The following ADGRB3 variants were observed in gnomAD, a reference collection of about 807,000 sequenced individuals.
ADGRB3 encodes the protein brain-specific angiogenesis inhibitor 3.
ADGRB3 carries 37 observed loss-of-function variants against 193.4 expected under a neutral mutation model. The observed-to-expected ratio is 0.19, with a 90% CI of 0.15 to 0.25. The LOEUF (loss-of-function observed/expected upper bound fraction) is 0.25, where lower values mean the gene tolerates loss of function less well. Among genes scored for constraint, ADGRB3 ranks in the 10% least tolerant of loss-of-function variants. The probability of loss-of-function intolerance (pLI) is 1.00; values close to 1 mark genes in which losing one functional copy is unlikely to be tolerated. For synonymous variants in ADGRB3, 690 were observed against 644.2 expected, an observed-to-expected ratio of 1.07 and a Z score of -1.08; for missense variants, 1,637 against 1,852.9, an observed-to-expected ratio of 0.88 and a Z score of 2.14.
At chr6:69,031,032 C>T (rs60540705) in intron 13 of ADGRB3, among the ~76,000 whole-genome samples, 1,950 of 38,048 alleles carry the variant, frequency 0.051, 404 homozygotes, top group African/African-American at 0.072. Context: ...TTTTCCTCTT[C>T]TCTTCTCTCT....
At chr6:68,861,114 C>G (rs1392610596) in intron 3 of ADGRB3, among the ~76,000 whole-genome samples, 2 of 152,198 alleles carry the variant, frequency 1.3e-5, no homozygotes, top group African/African-American at 4.8e-5. Context: ...CTGAGAACCA[C>G]TGTGCTAGTC....
At chr6:68,730,626 T>C (rs2127331588) in intron 3 of ADGRB3, among the ~76,000 whole-genome samples, 1 of 151,808 alleles carries the variant, frequency 6.6e-6, no homozygotes, top group Admixed American at 6.6e-5. Context: ...TTCTTGCTTT[T>C]TGGTCGTTGC....
rs542366985 is a variant in ADGRB3, at chr6:68,696,110, G to A, written c.757+56678G>A. ...CTGGCCAGAACTTCTCTGAAATCCC[G>A]TTATCAATGGTTTACAGTAAGCTTT... On this transcript the variant is annotated intron_variant, in intron 3 of 31. Transcript: ENST00000370598. Among the ~76,000 whole-genome samples, 454 of 152,020 alleles carry A rather than the reference G, an allele frequency of 3.0e-3. 2 individuals are homozygous for A. Among genetic ancestry groups the A allele is most frequent in the Middle Eastern group, 6.8e-3 (2 of 294 alleles).
At chr6:69,139,051 A>G (rs184049707) in intron 17 of ADGRB3, among the ~76,000 whole-genome samples, 14 of 152,348 alleles carry the variant, frequency 9.2e-5, no homozygotes, top group African/African-American at 2.9e-4. Context: ...GATAATCTCT[A>G]TGTTGAGTGT....
chr6:68,889,981 A>G (rs904927066), intron 3 of ADGRB3, among the ~76,000 whole-genome samples: 1 of 152,232 alleles, frequency 6.6e-6, no homozygotes, highest in Non-Finnish European at 1.5e-5. Context: ...GTAAAACTCT[A>G]TACATGGCCA....
At chr6:69,030,532 G>A (rs552346665) in intron 13 of ADGRB3, among the ~76,000 whole-genome samples, 5 of 152,214 alleles carry the variant, frequency 3.3e-5, no homozygotes, top group South Asian at 2.1e-4. Flanking sequence ...ATCAAACACC[G>A]CATGTTCTCA....
chr6:69,174,939 C>T (rs547035541), intron 17 of ADGRB3, among the ~76,000 whole-genome samples: 34 of 152,242 alleles, frequency 2.2e-4, no homozygotes, highest in African/African-American at 8.2e-4. Flanking sequence ...CTGTCTTTTG[C>T]CCATTTCTTA....
At chr6:69,223,118 G>C (rs1475172277) in intron 17 of ADGRB3, among the ~76,000 whole-genome samples, 1 of 151,984 alleles carries the variant, frequency 6.6e-6, no homozygotes, top group Non-Finnish European at 1.5e-5. Context: ...AAGAAACATT[G>C]CTCTAATACT....
intron 20 of ADGRB3, among the ~76,000 whole-genome samples, chr6:69,279,440 T>C (rs1205916885): frequency 6.7e-6 from 1 of 150,284 alleles, no homozygotes; most frequent in Non-Finnish European, 1.5e-5. Context: ...GAAAATTTGT[T>C]AGTCAAGAAT....
intron 17 of ADGRB3, among the ~76,000 whole-genome samples, chr6:69,180,258 T>A (rs902315833): frequency 6.6e-6 from 1 of 151,816 alleles, no homozygotes; most frequent in African/African-American, 2.4e-5. Context: ...AATGGTGGGG[T>A]GGCTCAGACT....
chr6:69,279,548 A>G (rs1767388758), intron 20 of ADGRB3, among the ~76,000 whole-genome samples: 1 of 152,080 alleles, frequency 6.6e-6, no homozygotes, highest in African/African-American at 2.4e-5. Flanking sequence ...TTGATTCTGC[A>G]CTATCAGACT....
At chr6:68,742,685 A>C (rs1216213238) in intron 3 of ADGRB3, among the ~76,000 whole-genome samples, 1 of 152,144 alleles carries the variant, frequency 6.6e-6, no homozygotes, top group Non-Finnish European at 1.5e-5. Flanking sequence ...TTTGGCACTA[A>C]GCAGGGAATC....
At chr6:68,950,665 C>T (rs1767892137) in intron 6 of ADGRB3, among the ~76,000 whole-genome samples, 1 of 152,082 alleles carries the variant, frequency 6.6e-6, no homozygotes, top group Non-Finnish European at 1.5e-5. Flanking sequence ...TAAAAGTCAA[C>T]CTTAATTTTC....
chr6:69,011,135 A>ATGTGTGTGTGTGTGTGTGTG (rs66675226), intron 11 of ADGRB3, among the ~76,000 whole-genome samples: 5 of 144,932 alleles, frequency 3.4e-5, no homozygotes, highest in African/African-American at 7.8e-5. Flanking sequence ...ATACATATAT[A>ATGTGTGTGTGTGTGTGTGTG]TGTGTGTGTG....
At chr6:69,218,086 G>A (rs2343544) in intron 17 of ADGRB3, among the ~76,000 whole-genome samples, 15,434 of 122,402 alleles carry the variant, frequency 0.13, 941 homozygotes, top group African/African-American at 0.15. Context: ...AAAAAAAAAA[G>A]AAGAAGTCAA....
chr6:69,222,222 C>T (rs1453430581), intron 17 of ADGRB3, among the ~76,000 whole-genome samples: 1 of 152,124 alleles, frequency 6.6e-6, no homozygotes, highest in Non-Finnish European at 1.5e-5. Flanking sequence ...AATAATTGTA[C>T]ATGTGATCAT....
intron 3 of ADGRB3, among the ~76,000 whole-genome samples, chr6:68,917,832 G>T (rs1027480239): frequency 1.3e-5 from 2 of 152,048 alleles, no homozygotes; most frequent in Admixed American, 6.5e-5. Flanking sequence ...CAATTCAAAA[G>T]TTCTGAATTC....
chr6:68,956,016 T>C lies in ADGRB3; in HGVS notation c.1196-8T>C. 6.2e-7 allele frequency: 1 copy of C among 1,611,788 alleles called. No individual in the cohort carries two copies. The highest frequency in any genetic ancestry group is 8.5e-7 in the Non-Finnish European group (1 of 1,179,112). On this transcript the variant is annotated splice_region_variant and splice_polypyrimidine_tract_variant and intron_variant, in intron 6 of 31. Coordinates refer to ENST00000370598, the MANE Select transcript of ADGRB3 (RefSeq NM_001704.3). ...ATCCTCATGCTGTCTCTTTTTCTGC[T>C]TTGGTAGTTGATGGACAGTGGCAAG...
intron 3 of ADGRB3, among the ~76,000 whole-genome samples, chr6:68,878,466 T>C (rs1024171844): frequency 2.6e-5 from 4 of 152,322 alleles, no homozygotes; most frequent in East Asian, 1.9e-4. Flanking sequence ...AAATAATTTA[T>C]ATTTTAGACA....
Sources: gnomAD v4.1 joint callset for allele counts (sites outside exome capture counted in the v4.1 genomes callset) on GRCh38, gnomAD v4.1.1 for gene constraint, MANE v1.5 for transcripts, NCBI Gene and HGNC (gene_info 2026-07-23, HGNC 2026-07-21) for gene names.